The following AGTR1 variants were observed in gnomAD, a reference collection of about 807,000 sequenced individuals.
AGTR1 encodes type-1 angiotensin II receptor.
Under a neutral mutation model 19.4 loss-of-function variants are expected in AGTR1, and 16 were observed. The ratio of observed to expected loss-of-function variants is 0.82; its 90% confidence interval spans 0.56 to 1.25. The LOEUF (loss-of-function observed/expected upper bound fraction) is 1.25, where lower values mean the gene tolerates loss of function less well. Ranked by LOEUF, AGTR1 falls within the 50% of genes most tolerant of loss-of-function variation. The pLI is 0.00. For missense variants in AGTR1, 373 were observed against 431.9 expected, an observed-to-expected ratio of 0.86 and a Z score of 1.21; for synonymous variants, 153 against 154.9, an observed-to-expected ratio of 0.99 and a Z score of 0.09.
At chr3:148,709,969 A>G (rs1411046675) in intron 2 of AGTR1, among the ~76,000 whole-genome samples, 3 of 152,204 alleles carry the variant, frequency 2.0e-5, no homozygotes, top group Non-Finnish European at 4.4e-5. Context: ...GCCATTTACT[A>G]TATGTGGCTA....
intron 1 of AGTR1, among the ~76,000 whole-genome samples, chr3:148,702,050 T>C (rs1712380129): frequency 6.6e-6 from 1 of 150,378 alleles, no homozygotes; most frequent in South Asian, 2.1e-4. Flanking sequence ...TGATCTCGGC[T>C]CACTGCAACC....
chr3:148,722,318 A>G (rs111878648), intron 2 of AGTR1, among the ~76,000 whole-genome samples: 139 of 152,352 alleles, frequency 9.1e-4, no homozygotes, highest in Non-Finnish European at 1.8e-3. Context: ...AACATATTAA[A>G]TGAAGACATG....
intron 1 of AGTR1, among the ~76,000 whole-genome samples, chr3:148,704,217 C>T (rs1337587994): frequency 7.2e-5 from 11 of 151,866 alleles, no homozygotes; most frequent in Non-Finnish European, 1.2e-4. Flanking sequence ...AGCATGGTGG[C>T]GCACACCATG....
chr3:148,739,817 G>C, intron 2 of AGTR1: 1 of 1,231,740 alleles, frequency 8.1e-7, no homozygotes, highest in East Asian at 3.2e-5. Flanking sequence ...CATTGCAAGA[G>C]AATGCTCAGC....
At chr3:148,732,730 ATTTT>A (rs778034622) in intron 2 of AGTR1, among the ~76,000 whole-genome samples, 1,886 of 109,592 alleles carry the variant, frequency 0.017, 8 homozygotes, top group East Asian at 0.034. Context: ...GCTTCGGAAA[ATTTT>A]TTTTTTTTTT....
chr3:148,704,633 A>G (rs1407267670), intron 1 of AGTR1, among the ~76,000 whole-genome samples: 1 of 152,204 alleles, frequency 6.6e-6, no homozygotes, highest in East Asian at 1.9e-4. Context: ...CTAACCAGTC[A>G]ATGCTCAAGC....
chr3:148,724,410 C>T (rs1713819293), intron 2 of AGTR1, among the ~76,000 whole-genome samples: 1 of 152,156 alleles, frequency 6.6e-6, no homozygotes, highest in South Asian at 2.1e-4. Flanking sequence ...GAATCTCTGA[C>T]TTACAAGGAA....
chr3:148,709,415 A>G (rs942214292), intron 2 of AGTR1, among the ~76,000 whole-genome samples: 3 of 152,154 alleles, frequency 2.0e-5, no homozygotes, highest in African/African-American at 7.2e-5. Flanking sequence ...GGTTTCTAAC[A>G]TTCACACATT....
At chr3:148,740,307 C>T (rs76033593) in intron 2 of AGTR1, among the ~76,000 whole-genome samples, 2,314 of 152,254 alleles carry the variant, frequency 0.015, 54 homozygotes, top group African/African-American at 0.053. Flanking sequence ...GATTCATGCA[C>T]TTTTGCTAGA....
At chr3:148,723,582 A>G (rs1713767902) in intron 2 of AGTR1, among the ~76,000 whole-genome samples, 2 of 152,178 alleles carry the variant, frequency 1.3e-5, no homozygotes, top group Admixed American at 6.5e-5. Context: ...GCTCTAAGAG[A>G]TGTAACAGTA....
rs576065893 is a variant in AGTR1, at chr3:148,742,151, A to C, written c.*36A>C. The C allele has an allele frequency of 1.9e-6, 3 of 1,609,862 alleles. No individual in the cohort carries two copies. Among genetic ancestry groups the C allele is most frequent in the East Asian group, 4.5e-5 (2 of 44,858 alleles). On this transcript the variant is annotated 3_prime_UTR_variant, in exon 3 of 3. Transcript: ENST00000349243. ...ACCTGTCCATAAAGTAATTTTGTGA[A>C]AGAAGGAGCAAGAGAACATTCCTCT...
chr3:148,702,424 G>A (rs1443040261), intron 1 of AGTR1, among the ~76,000 whole-genome samples: 1 of 152,178 alleles, frequency 6.6e-6, no homozygotes, highest in Non-Finnish European at 1.5e-5. Context: ...ACAGCTGCAG[G>A]TACTTACAGA....
At chr3:148,740,479 C>A (rs1468661873) in intron 2 of AGTR1, among the ~76,000 whole-genome samples, 1 of 152,134 alleles carries the variant, frequency 6.6e-6, no homozygotes, top group Non-Finnish European at 1.5e-5. Context: ...ATCCTGACCA[C>A]TTAAGGGAGA....
intron 2 of AGTR1, among the ~76,000 whole-genome samples, chr3:148,718,001 G>T (rs2107943264): frequency 6.6e-6 from 1 of 152,290 alleles, no homozygotes; most frequent in Non-Finnish European, 1.5e-5. Flanking sequence ...ATTAGCCTTT[G>T]AAATGAACCC....
intron 2 of AGTR1, among the ~76,000 whole-genome samples, chr3:148,725,844 G>T (rs1404451056): frequency 6.6e-6 from 1 of 152,162 alleles, no homozygotes; most frequent in East Asian, 1.9e-4. Flanking sequence ...AGTCCAGCCA[G>T]ATAATAGACT....
chr3:148,734,625 G>A (rs1714465732), intron 2 of AGTR1, among the ~76,000 whole-genome samples: 1 of 152,170 alleles, frequency 6.6e-6, no homozygotes, highest in South Asian at 2.1e-4. Context: ...TATTCACTCA[G>A]AAATAGCAGG....
At chr3:148,732,381 G>A (rs920688818) in intron 2 of AGTR1, among the ~76,000 whole-genome samples, 8 of 152,116 alleles carry the variant, frequency 5.3e-5, no homozygotes, top group Admixed American at 3.3e-4. Flanking sequence ...AAATGTGCCT[G>A]GGAAATATTT....
At chr3:148,740,112 G>A (rs115402244) in intron 2 of AGTR1, among the ~76,000 whole-genome samples, 1 of 152,204 alleles carries the variant, frequency 6.6e-6, no homozygotes, top group South Asian at 2.1e-4. Context: ...ATGGCTTTGT[G>A]CAGCCCATTC....
intron 1 of AGTR1, among the ~76,000 whole-genome samples, chr3:148,706,234 C>G (rs1712661756): frequency 6.6e-6 from 1 of 151,748 alleles, no homozygotes; most frequent in African/African-American, 2.4e-5. Context: ...CTGTGGTACA[C>G]TAGTGTCTCA....
Sources: allele counts gnomAD v4.1 joint callset (sites outside exome capture counted in the v4.1 genomes callset), GRCh38; gene constraint gnomAD v4.1.1; transcripts MANE v1.5; gene names NCBI Gene and HGNC (gene_info 2026-07-23, HGNC 2026-07-21).